Variants in PSD2 observed in about 807,000 individuals in gnomAD.
PSD2 encodes pleckstrin and Sec7 domain containing 2, also known as PH and SEC7 domain-containing protein 2.
PSD2 carries 38 observed loss-of-function variants against 69.8 expected under a neutral mutation model. The ratio of observed to expected loss-of-function variants is 0.54; its 90% CI spans 0.42 to 0.71. PSD2 has a LOEUF of 0.71. Among genes scored for constraint, PSD2 ranks in the 30% least tolerant of loss-of-function variants. The pLI, the probability that PSD2 is intolerant of heterozygous loss-of-function variation, is 0.00. For synonymous variants in PSD2, 412 were observed against 423.0 expected, an observed-to-expected ratio of 0.97 and a Z score of 0.32; for missense variants, 943 against 1,014.5, an observed-to-expected ratio of 0.93 and a Z score of 0.96.
At chr5:139,752,020 C>G in the PSD2 span, among the ~76,000 whole-genome samples, 1 of 151,842 alleles carries the variant, frequency 6.6e-6, no homozygotes, top group Admixed American at 6.6e-5. Context: ...CTGGAACTCC[C>G]GACCTCAGGT....
At chr5:139,815,995 T>TAAAAAA (rs768724760) in intron 4 of PSD2, among the ~76,000 whole-genome samples, 3 of 92,760 alleles carry the variant, frequency 3.2e-5, no homozygotes, top group African/African-American at 4.4e-5. Context: ...CTCCATATAT[T>TAAAAAA]AAAAAAAAAA....
chr5:139,788,188 CG>C, the PSD2 span, among the ~76,000 whole-genome samples: 4 of 144,422 alleles, frequency 2.8e-5, no homozygotes, highest in African/African-American at 5.1e-5. Flanking sequence ...CGCCCCCCCC[CG>C]AACCCGTGCC....
At chr5:139,766,828 C>CTTCTTTCT in the PSD2 span, among the ~76,000 whole-genome samples, 1,186 of 87,612 alleles carry the variant, frequency 0.014, 66 homozygotes, top group African/African-American at 0.023. Flanking sequence ...AAGTCCCTTC[C>CTTCTTTCT]TTCTTTCTTT....
the PSD2 span, among the ~76,000 whole-genome samples, chr5:139,778,524 T>C: frequency 6.6e-6 from 1 of 152,242 alleles, no homozygotes; most frequent in Non-Finnish European, 1.5e-5. Context: ...CAATACCCTA[T>C]TTTAGGACAT....
At chr5:139,780,645 T>C in the PSD2 span, among the ~76,000 whole-genome samples, 12,667 of 152,238 alleles carry the variant, frequency 0.083, 578 homozygotes, top group Non-Finnish European at 0.091. Flanking sequence ...GGTTTCACCA[T>C]GTTGGCCAGA....
At chr5:139,753,642 G>A in the PSD2 span, among the ~76,000 whole-genome samples, 160 of 152,254 alleles carry the variant, frequency 1.1e-3, no homozygotes, top group Admixed American at 1.9e-3. Context: ...TGTGTTGGAT[G>A]CTGATGCTGT....
chr5:139,808,787 T>C (rs1759874800), intron 1 of PSD2, among the ~76,000 whole-genome samples: 1 of 152,220 alleles, frequency 6.6e-6, no homozygotes, highest in Non-Finnish European at 1.5e-5. Context: ...CGCTGGGCTA[T>C]CCCTGTCTGT....
At position 139,836,867 on chromosome 5, in the gene PSD2, C is replaced by T. The variant is rs766802679; in HGVS notation, c.1460C>T (p.Thr487Ile). Reference protein sequence around the residue: ...LSELVDDKFGTGTKKVTRILD... With the variant: ...LSELVDDKFGIGTKKVTRILD... Reference sequence around the variant, plus strand: ...GAGCTGGTGGATGACAAGTTCGGGACAGGCACGAAGAAGGTGACGCGAATC... The same window carrying T: ...GAGCTGGTGGATGACAAGTTCGGGATAGGCACGAAGAAGGTGACGCGAATC... The change falls in exon 10 of 15, where the codon ACA (threonine) becomes ATA (isoleucine). Residue 487 changes from threonine to isoleucine, a missense_variant. Physicochemically the swap from Thr to Ile is moderately conservative, Grantham distance 89. This residue lies in a region of PSD2 where 312 missense variants were observed against 400.7 expected (regional missense o/e 0.78). Coordinates refer to ENST00000274710, the MANE Select transcript of PSD2 (RefSeq NM_032289.4). 36 of 1,614,094 alleles carry T rather than the reference C, an allele frequency of 2.2e-5. No individual in the cohort carries two copies. The highest frequency in any genetic ancestry group is 4.2e-6 in the Non-Finnish European group (5 of 1,180,032).
rs546114907 is a variant in PSD2, at chr5:139,843,668, C to CT, written c.*1195dup. 56 of 152,372 alleles carry CT rather than the reference C, an allele frequency of 3.7e-4. No homozygotes were observed. The highest frequency in any genetic ancestry group is 1.2e-3 in the African/African-American group (51 of 41,592). 9.4% of individuals were successfully genotyped at this position (152,372 alleles called of 1,614,324 possible). On this transcript the variant is annotated 3_prime_UTR_variant, in exon 15 of 15. Coordinates refer to ENST00000274710, the MANE Select transcript of PSD2 (RefSeq NM_032289.4). ...CAAGTTATTGATTGTTTTTCTGTCG[C>CT]TATTTCTTTCATTTGTCTAGTGAAT...
At chr5:139,783,482 C>T in the PSD2 span, among the ~76,000 whole-genome samples, 4 of 152,138 alleles carry the variant, frequency 2.6e-5, no homozygotes, top group South Asian at 4.1e-4. Context: ...TCAGTGCTTC[C>T]TGTCTTTTTA....
chr5:139,756,065 C>T, the PSD2 span, among the ~76,000 whole-genome samples: 4 of 152,212 alleles, frequency 2.6e-5, no homozygotes, highest in African/African-American at 9.7e-5. Context: ...GCGCAGCCCC[C>T]ACCCCCAGTC....
At chr5:139,757,118 C>T in the PSD2 span, among the ~76,000 whole-genome samples, 11 of 152,330 alleles carry the variant, frequency 7.2e-5, no homozygotes, top group Middle Eastern at 3.4e-3. Flanking sequence ...GGATTCTCTC[C>T]TGGGAGGTCC....
At chr5:139,797,109 C>T (rs1039438813) in intron 1 of PSD2, among the ~76,000 whole-genome samples, 4 of 152,226 alleles carry the variant, frequency 2.6e-5, no homozygotes, top group Non-Finnish European at 5.9e-5. Flanking sequence ...CATTCTTCCA[C>T]CCTCTCCCCA....
At chr5:139,816,814 GC>G (rs1414850773) in intron 4 of PSD2, among the ~76,000 whole-genome samples, 1 of 152,182 alleles carries the variant, frequency 6.6e-6, no homozygotes, top group Non-Finnish European at 1.5e-5. Context: ...CATGGGCTCA[GC>G]CCCACCCTGA....
At chr5:139,806,848 A>T (rs1402679285) in intron 1 of PSD2, among the ~76,000 whole-genome samples, 3 of 152,206 alleles carry the variant, frequency 2.0e-5, no homozygotes, top group Non-Finnish European at 2.9e-5. Flanking sequence ...TCTGCAGCCC[A>T]GGCAGGGACT....
chr5:139,842,548 G>C lies in PSD2; in HGVS notation c.*74G>C. The stretch of plus-strand genomic sequence containing the variant: ...TCAGTGAGCACAATTCCAGCCAGGG[G>C]CCACTTGGACCAAGCTCCAGTCAGT... On this transcript the variant is annotated 3_prime_UTR_variant, in exon 15 of 15. Transcript: ENST00000274710. The C allele has an allele frequency of 1.4e-6, 2 of 1,405,754 alleles. No homozygotes were observed. Among genetic ancestry groups the C allele is most frequent in the Non-Finnish European group, 2.0e-6 (2 of 1,005,720 alleles). 87.1% of individuals were successfully genotyped at this position (1,405,754 alleles called of 1,614,324 possible).
At chr5:139,768,806 C>A in the PSD2 span, among the ~76,000 whole-genome samples, 1 of 152,034 alleles carries the variant, frequency 6.6e-6, no homozygotes, top group African/African-American at 2.4e-5. Context: ...AAGAGCCAAT[C>A]GGGCCTGCAA....
intron 1 of PSD2, among the ~76,000 whole-genome samples, chr5:139,797,425 A>G (rs532577556): frequency 1.3e-5 from 2 of 152,286 alleles, no homozygotes; most frequent in South Asian, 4.1e-4. Context: ...TGCCTCTTGC[A>G]AGGTTGAAGT....
At chr5:139,818,297 C>T (rs571063046) in intron 5 of PSD2, among the ~76,000 whole-genome samples, 3 of 152,296 alleles carry the variant, frequency 2.0e-5, no homozygotes, top group African/African-American at 7.2e-5. Flanking sequence ...GTAATCCCAG[C>T]ACTTTGGGAG....
Sources: gnomAD v4.1 joint callset for allele counts (sites outside exome capture counted in the v4.1 genomes callset) on GRCh38, gnomAD v4.1.1 for gene constraint, gnomAD v4.1.1 regional missense constraint, MANE v1.5 for transcripts, NCBI Gene and HGNC (gene_info 2026-07-23, HGNC 2026-07-21) for gene names.